The following C6 variants were observed in gnomAD, a reference collection of about 807,000 sequenced individuals.
C6 encodes the protein complement component C6.
A neutral mutation model predicts 112.9 loss-of-function variants in C6; 101 were observed. The ratio of observed to expected loss-of-function variants is 0.89; its 90% CI spans 0.76 to 1.06. C6 has a LOEUF of 1.06. Among genes scored for constraint, C6 ranks in the 50% least tolerant of loss-of-function variants. The probability of loss-of-function intolerance (pLI) is 0.00; values close to 1 mark genes in which losing one functional copy is unlikely to be tolerated. For synonymous variants in C6, 431 were observed against 384.1 expected, an observed-to-expected ratio of 1.12 and a Z score of -1.43; for missense variants, 1,202 against 1,104.6, an observed-to-expected ratio of 1.09 and a Z score of -1.25.
chr5:41,258,004 T>C (rs1433715844), intron 1 of C6, among the ~76,000 whole-genome samples: 1 of 152,102 alleles, frequency 6.6e-6, no homozygotes, highest in Non-Finnish European at 1.5e-5. Context: ...AATTAACTCA[T>C]TTTTTTCTAC....
chr5:41,148,422 C>T (rs762948117), intron 17 of C6, among the ~76,000 whole-genome samples: 1 of 152,164 alleles, frequency 6.6e-6, no homozygotes, highest in Non-Finnish European at 1.5e-5. Context: ...CTGAAATGTT[C>T]AAGACCCAGG....
chr5:41,216,387 T>C (rs1401981113), upstream of C6, among the ~76,000 whole-genome samples: 1 of 152,156 alleles, frequency 6.6e-6, no homozygotes, highest in African/African-American at 2.4e-5. Context: ...ATTCCTCTTC[T>C]GCCTTCCTCT....
In C6 at chr5:41,195,892, C is replaced by A; in HGVS notation, c.487G>T (p.Asp163Tyr). ...CTTTCATCTGAATTGTCTCCACAGT[C>A]ATTTTCTCCATTGCATTCTAACTTT... ...ARKLECNGEN[D>Y]CGDNSDERDC... Residue 163 changes from aspartate to tyrosine, a missense_variant, in exon 5 of 18, where the codon GAC (aspartate) becomes TAC (tyrosine). Physicochemically the swap from Asp to Tyr is radical, Grantham distance 160. Coordinates refer to ENST00000337836, the MANE Select transcript of C6 (RefSeq NM_000065.5). 6.2e-7 allele frequency: 1 copy of A among 1,614,024 alleles called. No individual in the cohort carries two copies. Among genetic ancestry groups the A allele is most frequent in the Non-Finnish European group, 8.5e-7 (1 of 1,179,934 alleles).
rs761397277 is a variant in C6 at position 41,149,887 on chromosome 5, A to G, written c.2381+48T>C. ...GCTCTTCCATCAAATTGGTTACACT[A>G]GACTGGTTTTCCCAATTTCCAGACA... On this transcript the variant is annotated intron_variant, in intron 16 of 17. Coordinates refer to ENST00000337836, the MANE Select transcript of C6 (RefSeq NM_000065.5). 4 of 1,267,034 alleles carry G rather than the reference A, an allele frequency of 3.2e-6. No homozygotes were observed. In the South Asian group the frequency reaches 4.8e-5, roughly 15 times the overall value. The allele number at this position is 1,267,034 out of a possible 1,614,324, so 78.5% of individuals were successfully genotyped here. A position where few individuals can be genotyped will look rare whatever the true frequency, so the allele number is the denominator to read the frequency against.
chr5:41,179,131 G>C (rs929900079), intron 7 of C6, among the ~76,000 whole-genome samples: 1 of 152,178 alleles, frequency 6.6e-6, no homozygotes, highest in Non-Finnish European at 1.5e-5. Context: ...TAGGATTACA[G>C]GCATGAGCCA....
intron 1 of C6, among the ~76,000 whole-genome samples, chr5:41,234,098 T>C (rs2150416179): frequency 6.6e-6 from 1 of 152,162 alleles, no homozygotes; most frequent in South Asian, 2.1e-4. Context: ...ACAAAACAAA[T>C]TATATAATAT....
chr5:41,166,067 A>T (rs78084681), intron 9 of C6, among the ~76,000 whole-genome samples: 6,940 of 151,104 alleles, frequency 0.046, 168 homozygotes, highest in Middle Eastern at 0.071. Flanking sequence ...TCAGCTTCTT[A>T]AAAAACTACA....
intron 9 of C6, among the ~76,000 whole-genome samples, chr5:41,169,759 G>C (rs1365760969): frequency 1.3e-5 from 2 of 152,034 alleles, no homozygotes; most frequent in African/African-American, 4.8e-5. Flanking sequence ...ACTATCACGA[G>C]AACAGCAGGG....
At chr5:41,152,378 G>A in intron 15 of C6, among the ~76,000 whole-genome samples, 1 of 152,136 alleles carries the variant, frequency 6.6e-6, no homozygotes, top group East Asian at 1.9e-4. Flanking sequence ...ACCTGGACCT[G>A]AAGCCGAACT....
At chr5:41,211,401 G>T (rs1751915823) in intron 1 of C6, among the ~76,000 whole-genome samples, 1 of 151,690 alleles carries the variant, frequency 6.6e-6, no homozygotes, top group Admixed American at 6.6e-5. Context: ...AAAAAATGAG[G>T]GGCTTTTTTT....
intron 17 of C6, 132 bp downstream of exon 17, chr5:41,149,109 A>C: frequency 8.5e-7 from 1 of 1,183,218 alleles, no homozygotes; most frequent in Non-Finnish European, 1.2e-6. Flanking sequence ...TGTTTAAATC[A>C]TTTTATGAAT....
At position 41,143,729 on chromosome 5, in the gene C6, A is replaced by G. The variant is rs560965156; in HGVS notation, c.2624-723T>C. 3.9e-5 allele frequency among the ~76,000 whole-genome samples: 6 copies of G among 152,312 alleles called. No individual in the cohort carries two copies. The East Asian group carries it at 1.2e-3, about 29-fold the overall frequency. On this transcript the variant is annotated intron_variant, in intron 17 of 17. Coordinates refer to ENST00000337836, the MANE Select transcript of C6 (RefSeq NM_000065.5). Reference sequence around the variant, plus strand: ...GACTCACAGGCCTGAGCTCTTTAACATAACTCCATATCACATTTGTTTCTT... The same window carrying G: ...GACTCACAGGCCTGAGCTCTTTAACGTAACTCCATATCACATTTGTTTCTT...
chr5:41,228,822 T>C (rs1038649388), intron 1 of C6, among the ~76,000 whole-genome samples: 1 of 152,184 alleles, frequency 6.6e-6, no homozygotes, highest in Non-Finnish European at 1.5e-5. Context: ...TTGATCATGG[T>C]GAATGATTGT....
At chr5:41,246,191 C>G (rs368410812) in intron 1 of C6, among the ~76,000 whole-genome samples, 2 of 152,180 alleles carry the variant, frequency 1.3e-5, no homozygotes, top group African/African-American at 4.8e-5. Flanking sequence ...GTCTGCTACT[C>G]TCTTAGTATC....
In C6 at chr5:41,245,573, A is replaced by G. The variant is rs201776302; in HGVS notation, c.-21+15621T>C. Among the ~76,000 whole-genome samples, 7 of 152,182 alleles carry G rather than the reference A, an allele frequency of 4.6e-5. No individual in the cohort carries two copies. The East Asian group carries it at 1.3e-3, about 29-fold the overall frequency. On this transcript the variant is annotated intron_variant, in intron 1 of 17. Coordinates refer to the C6 transcript ENST00000263413. ...ACCTTGATATTTTTTTCCTGTGGGTAAGTTTTTAGTTAACATTTCAATTTC... is the reference window on the plus strand; with the variant it reads ...ACCTTGATATTTTTTTCCTGTGGGTGAGTTTTTAGTTAACATTTCAATTTC...
At chr5:41,154,042 A>G (rs755979382) in intron 14 of C6, 44 bp from the exon 15 acceptor site, 18 of 1,589,860 alleles carry the variant, frequency 1.1e-5, no homozygotes, top group Non-Finnish European at 1.4e-5. Flanking sequence ...GGAGCAGAAT[A>G]AACAAAAAAT....
At chr5:41,191,499 G>A (rs1002843176) in intron 5 of C6, among the ~76,000 whole-genome samples, 2 of 152,002 alleles carry the variant, frequency 1.3e-5, no homozygotes, top group African/African-American at 2.4e-5. Context: ...AGATTGCTTC[G>A]GGCAGTTGAG....
intron 1 of C6, among the ~76,000 whole-genome samples, chr5:41,225,530 G>A (rs1260054929): frequency 3.9e-5 from 6 of 152,162 alleles, no homozygotes; most frequent in Admixed American, 1.3e-4. Context: ...ATAAACATAC[G>A]AATGCATGTG....
chr5:41,160,405 C>T (rs1279267322), intron 10 of C6, 38 bp from the exon 11 acceptor site: 1 of 1,519,448 alleles, frequency 6.6e-7, no homozygotes, highest in Non-Finnish European at 9.1e-7. Flanking sequence ...CAGTCACATC[C>T]CCTTTGGTAA....
Sources: allele counts gnomAD v4.1 joint callset (sites outside exome capture counted in the v4.1 genomes callset), GRCh38; gene constraint gnomAD v4.1.1; transcripts MANE v1.5; gene names NCBI Gene and HGNC (gene_info 2026-07-23, HGNC 2026-07-21).